Variants in FER1L5 observed in about 807,000 individuals in gnomAD.
The protein encoded by FER1L5 is fer-1 like family member 5.
FER1L5 carries 187 observed loss-of-function variants against 279.9 expected under a neutral mutation model. The observed-to-expected ratio is 0.67, with a 90% CI of 0.59 to 0.75. The LOEUF (loss-of-function observed/expected upper bound fraction) is 0.75. Among genes scored for constraint, FER1L5 ranks in the 30% least tolerant of loss-of-function variants. The pLI is 0.00. For synonymous variants in FER1L5, 921 were observed against 989.7 expected (o/e 0.93, Z 1.30); for missense variants, 2,091 against 2,594.4 (o/e 0.81, Z 4.21).
At chr2:96,657,632 T>C (rs1362419568) in intron 9 of FER1L5, among the ~76,000 whole-genome samples, 2 of 152,190 alleles carry the variant, frequency 1.3e-5, no homozygotes, top group South Asian at 2.1e-4. Context: ...TGTTATTATA[T>C]GAACATTTCT....
Position 96,689,596 on chromosome 2 carries a change from G to A in FER1L5, c.2526-48G>A, listed in dbSNP as rs1195034617. 49 of 1,515,718 alleles carry A rather than the reference G, an allele frequency of 3.2e-5. No homozygotes were observed. The highest frequency in any genetic ancestry group is 3.6e-4 in the Middle Eastern group (2 of 5,524). The allele number at this position is 1,515,718 out of a possible 1,614,324, so 93.9% of individuals were successfully genotyped here. A position where few individuals can be genotyped will look rare whatever the true frequency, so the allele number is the denominator to read the frequency against. ...TTGGCCAGCAGAAGACGGCCCTAGG[G>A]GCTGCTTGGGGAGTTGTGCTGGGAA... On this transcript the variant is annotated intron_variant, in intron 25 of 52. Coordinates refer to ENST00000624922, the MANE Select transcript of FER1L5 (RefSeq NM_001293083.2). The surrounding 1 kb of genome is among the most constrained non-coding windows in gnomAD (Gnocchi z 4.6).
In FER1L5 at chr2:96,646,346, C is replaced by T. The variant is rs1349598825; in HGVS notation, c.86-55C>T. 2.6e-6 allele frequency: 4 copies of T among 1,542,770 alleles called. No homozygotes were observed. The East Asian group carries it at 7.4e-5, about 28-fold the overall frequency. On this transcript the variant is annotated intron_variant, in intron 1 of 52. Coordinates refer to ENST00000624922, the MANE Select transcript of FER1L5 (RefSeq NM_001293083.2). ...CCTACTTCTCTTTACCCCACTCCAA[C>T]CCAGACGTTGAAATATTTCCTACCA...
At chr2:96,653,986 C>G in intron 8 of FER1L5, 1 of 472,948 alleles carries the variant, frequency 2.1e-6, no homozygotes, top group Non-Finnish European at 3.8e-6. Flanking sequence ...AAAGGCCCCT[C>G]CAAGTAGAAT....
chr2:96,682,877 G>A (rs2076781498), intron 19 of FER1L5, among the ~76,000 whole-genome samples: 1 of 152,146 alleles, frequency 6.6e-6, no homozygotes, highest in Non-Finnish European at 1.5e-5. Context: ...TAGAGACAGG[G>A]TCTCTCTGTG....
Position 96,686,215 on chromosome 2 carries a change from C to T in FER1L5, c.2094C>T (p.Asp698=), listed in dbSNP as rs753763700. The change falls in exon 23 of 53, where the codon GAC becomes GAT. Residue 698 remains aspartate, a synonymous_variant. Coordinates refer to ENST00000624922, the MANE Select transcript of FER1L5 (RefSeq NM_001293083.2). The stretch of plus-strand genomic sequence containing the variant: ...GGCAGCCCCAGATGGGCCTCCCTGA[C>T]GTGATGATTTGGCTGGTGGCCAAGG... ...VLPEPQMGLP[D]VMIWLVAKEQ... is the part of the protein sequence containing the mutation. The T allele has an allele frequency of 1.6e-5, 25 of 1,551,126 alleles. No individual in the cohort carries two copies. Among genetic ancestry groups the T allele is most frequent in the East Asian group, 7.3e-5 (3 of 40,930 alleles).
rs547706444 is a variant in FER1L5 at position 96,698,365 on chromosome 2, C to T, written c.4356+209C>T. Among the ~76,000 whole-genome samples, 3 of 152,290 alleles carry T rather than the reference C, an allele frequency of 2.0e-5. No homozygotes were observed. Among genetic ancestry groups the T allele is most frequent in the Admixed American group, 1.3e-4 (2 of 15,300 alleles). On this transcript the variant is annotated intron_variant, in intron 40 of 52. Coordinates refer to ENST00000624922, the MANE Select transcript of FER1L5 (RefSeq NM_001293083.2). This position sits in a 1 kb window ranked among gnomAD's most constrained non-coding sequence, Gnocchi z 5.5. ...CCCACCCTGGCCTATGCTGGCCTCC[C>T]AAGGCTGCAAAGCCACAGAGAACAA...
rs1331982755 is a variant in FER1L5, at chr2:96,698,641, G to C, written c.4357-30G>C. On this transcript the variant is annotated intron_variant, in intron 40 of 52. Transcript: ENST00000624922. This position sits in a 1 kb window ranked among gnomAD's most constrained non-coding sequence, Gnocchi z 5.5. Reference sequence around the variant, plus strand: ...TTACAGAGCTGGCCAGCACTGCCAGGCTGGGCCCCCAACACCCTCCCCCCG... The same window carrying C: ...TTACAGAGCTGGCCAGCACTGCCAGCCTGGGCCCCCAACACCCTCCCCCCG... The C allele has an allele frequency of 6.4e-7, 1 of 1,557,518 alleles. No homozygotes were observed. Among genetic ancestry groups the C allele is most frequent in the African/African-American group, 1.4e-5 (1 of 73,302 alleles).
chr2:96,659,431 T>C (rs1255207430), intron 9 of FER1L5, among the ~76,000 whole-genome samples: 7 of 17,360 alleles, frequency 4.0e-4, no homozygotes, highest in African/African-American at 1.5e-3. Flanking sequence ...CTTTCTTTCT[T>C]TCTTTCTTTC....
rs571888049 is a variant in FER1L5 at position 96,686,278 on chromosome 2, C to T, written c.2157C>T (p.Ser719=). ...CCTATGCACAGGTGCCTGCCCACTC[C>T]GTCCTCTTCTCCCCGGCAGGGGCTC... ...RVAYAQVPAH[S]VLFSPAGALH... The change falls in exon 23 of 53, where the codon TCC becomes TCT. Residue 719 remains serine, a synonymous_variant. Transcript: ENST00000624922. 4.4e-5 allele frequency: 68 copies of T among 1,551,622 alleles called. No homozygotes were observed. In the South Asian group the frequency reaches 7.0e-4, roughly 16 times the overall value.
chr2:96,692,266 G>A, intron 31 of FER1L5, 85 bp downstream of exon 31: 1 of 1,438,764 alleles, frequency 7.0e-7, no homozygotes, highest in South Asian at 1.2e-5. Flanking sequence ...AGCCAAGGCA[G>A]CCCTGCTTGC....
intron 7 of FER1L5, 123 bp downstream of exon 7, chr2:96,652,143 G>A: frequency 7.4e-7 from 1 of 1,357,264 alleles, no homozygotes; most frequent in Non-Finnish European, 1.0e-6. Context: ...AGCATTTACT[G>A]AGTGTCTACT....
chr2:96,657,476 C>T (rs1379058822), intron 9 of FER1L5, among the ~76,000 whole-genome samples: 2 of 151,820 alleles, frequency 1.3e-5, no homozygotes. Flanking sequence ...ATGTGCACAC[C>T]CAGAAGAAAA....
intron 19 of FER1L5, among the ~76,000 whole-genome samples, chr2:96,679,292 C>T (rs987000899): frequency 6.6e-5 from 10 of 151,878 alleles, no homozygotes; most frequent in Admixed American, 1.3e-4. Flanking sequence ...GGCACAATCT[C>T]GGCTCACTGC....
At chr2:96,692,239 G>C (rs1339652476) in intron 31 of FER1L5, 58 bp downstream of exon 31, 4 of 1,534,872 alleles carry the variant, frequency 2.6e-6, no homozygotes, top group Admixed American at 2.0e-5. Flanking sequence ...AGGAGAGCAG[G>C]GTTGTGTTCC....
chr2:96,668,377 G>A (rs1321310959), intron 14 of FER1L5, among the ~76,000 whole-genome samples: 2 of 151,476 alleles, frequency 1.3e-5, no homozygotes, highest in East Asian at 3.9e-4. Flanking sequence ...AAAAAAAATT[G>A]TTTTTAATTA....
At position 96,698,556 on chromosome 2, in the gene FER1L5, G is replaced by C. The variant is rs1296715275; in HGVS notation, c.4357-115G>C. 1.1e-6 allele frequency: 1 copy of C among 880,204 alleles called. No individual in the cohort carries two copies. The highest frequency in any genetic ancestry group is 1.7e-6 in the Non-Finnish European group (1 of 573,706). The allele number at this position is 880,204 out of a possible 1,614,324, so 54.5% of individuals were successfully genotyped here. ...ACTGTCCTCATGGCCTTCTATCCCT[G>C]CCACCCTCAGCCCAACCCTCTCTCT... is the stretch of plus-strand genomic sequence containing the variant. On this transcript the variant is annotated intron_variant, in intron 40 of 52. Transcript: ENST00000624922. This position sits in a 1 kb window ranked among gnomAD's most constrained non-coding sequence, Gnocchi z 5.5.
At chr2:96,671,851 G>A (rs969176118) in intron 18 of FER1L5, among the ~76,000 whole-genome samples, 10 of 152,178 alleles carry the variant, frequency 6.6e-5, no homozygotes, top group Admixed American at 1.3e-4. Context: ...GGCGAGGACT[G>A]AGAGATATCT....
chr2:96,658,464 A>C (rs1015849997), intron 9 of FER1L5, among the ~76,000 whole-genome samples: 8 of 150,230 alleles, frequency 5.3e-5, no homozygotes, highest in African/African-American at 7.4e-5. Flanking sequence ...TTACAGGTGC[A>C]CGCCACCATG....
intron 10 of FER1L5, 132 bp downstream of exon 10, chr2:96,660,503 A>G (rs1395537118): frequency 1.3e-6 from 1 of 775,000 alleles, no homozygotes; most frequent in Non-Finnish European, 2.1e-6. Context: ...TATTTTCTGT[A>G]TTTGGTAATA....
Sources: allele counts gnomAD v4.1 joint callset (sites outside exome capture counted in the v4.1 genomes callset), GRCh38; gene constraint gnomAD v4.1.1; non-coding constraint Gnocchi (gnomAD v3.1); transcripts MANE v1.5; gene names NCBI Gene and HGNC (gene_info 2026-07-23, HGNC 2026-07-21).